Variants in FLT4 observed in about 807,000 individuals in gnomAD.
FLT4 encodes vascular endothelial growth factor receptor 3.
FLT4 carries 30 observed loss-of-function variants against 163.2 expected under a neutral mutation model. The observed-to-expected ratio is 0.18, with a 90% CI of 0.14 to 0.25. The LOEUF (loss-of-function observed/expected upper bound fraction) is 0.25. FLT4 is among the 10% of genes least tolerant of loss of function. The pLI is 1.00. For missense variants in FLT4, 1,510 were observed against 1,863.8 expected (o/e 0.81, Z 3.50); for synonymous variants, 884 against 789.5 (o/e 1.12, Z -2.01).
chr5:180,607,982 AG>A (rs953328011), intron 29 of FLT4: 1 of 642,582 alleles, frequency 1.6e-6, no homozygotes, highest in African/African-American at 1.8e-5. Context: ...AGACCATGAA[AG>A]GGCGTCTCCC....
At chr5:180,637,683 C>T (rs887688317) in intron 1 of FLT4, among the ~76,000 whole-genome samples, 3 of 152,176 alleles carry the variant, frequency 2.0e-5, no homozygotes, top group African/African-American at 7.2e-5. Flanking sequence ...CAGGCATGCG[C>T]CATCACGCCC....
At chr5:180,613,193 TC>T in intron 24 of FLT4, 83 bp from the exon 25 acceptor site, 1 of 965,566 alleles carries the variant, frequency 1.0e-6, no homozygotes, top group Non-Finnish European at 1.6e-6. Context: ...TCCTGTCCCT[TC>T]CCCATCAAGT....
At chr5:180,614,257 C>T (rs1267928257) in intron 23 of FLT4, 78 bp from the exon 24 acceptor site, 6 of 915,938 alleles carry the variant, frequency 6.6e-6, no homozygotes, top group East Asian at 2.5e-5. Context: ...GATGGGGAGA[C>T]GGAGGGAAGC....
At position 180,623,540 on chromosome 5, in the gene FLT4, C is replaced by T. The variant is rs1763343077; in HGVS notation, c.1548+395G>A. On this transcript the variant is annotated intron_variant, in intron 11 of 29. Coordinates refer to ENST00000261937, the MANE Select transcript of FLT4 (RefSeq NM_182925.5). This position sits in a 1 kb window ranked among gnomAD's most constrained non-coding sequence, Gnocchi z 5.8. ...AGGAAGTGACTGGAGGAAGTAGGTG[C>T]CTTTGTTCAGTACCCCCTTCTCGGC... Among the ~76,000 whole-genome samples the T allele has an allele frequency of 6.6e-6, 1 of 150,860 alleles. No homozygotes were observed. The highest frequency in any genetic ancestry group is 2.1e-4 in the South Asian group (1 of 4,700).
chr5:180,611,323 C>A lies in FLT4; in HGVS notation c.3686+8G>T, dbSNP rs2127790965. 6.2e-7 allele frequency: 1 copy of A among 1,613,922 alleles called. No homozygotes were observed. The highest frequency in any genetic ancestry group is 8.5e-7 in the Non-Finnish European group (1 of 1,179,982). On this transcript the variant is annotated splice_region_variant and intron_variant, in intron 27 of 29. Transcript: ENST00000261937. The stretch of plus-strand genomic sequence containing the variant: ...CCACCCTACTCCTGGACCTGCAGGA[C>A]AGCTGACCTGGCGGCCAGGCTGTGG...
At chr5:180,624,207 G>T in intron 10 of FLT4, 146 bp from the exon 11 acceptor site, 1 of 755,158 alleles carries the variant, frequency 1.3e-6, no homozygotes, top group Non-Finnish European at 2.2e-6. Context: ...GGGTGAGGGA[G>T]ATGGGAAGGG....
At chr5:180,649,676 G>C (rs948186947), upstream of FLT4, 8 of 277,600 alleles carry the variant, frequency 2.9e-5, no homozygotes, top group African/African-American at 1.8e-4. Context: ...GATTCAGGCC[G>C]CTCCCCGCGC....
At chr5:180,648,168 G>C (rs1765571482) in intron 1 of FLT4, among the ~76,000 whole-genome samples, 1 of 152,222 alleles carries the variant, frequency 6.6e-6, no homozygotes. Flanking sequence ...GCACCTGTGG[G>C]AGCCTGGTCC....
At chr5:180,648,860 G>A (rs2127878037) in intron 1 of FLT4, among the ~76,000 whole-genome samples, 1 of 152,292 alleles carries the variant, frequency 6.6e-6, no homozygotes, top group Middle Eastern at 3.4e-3. Context: ...CCCCTTCTGC[G>A]GCGCTGACAG....
chr5:180,632,991 C>T (rs1055192593), intron 1 of FLT4, among the ~76,000 whole-genome samples: 1 of 152,038 alleles, frequency 6.6e-6, no homozygotes, highest in Non-Finnish European at 1.5e-5. Flanking sequence ...TCTTCTGCCC[C>T]CAGGCCCCTC....
chr5:180,632,369 C>T (rs1331754929), intron 1 of FLT4, among the ~76,000 whole-genome samples: 1 of 150,356 alleles, frequency 6.7e-6, no homozygotes, highest in Admixed American at 6.6e-5. Flanking sequence ...CTCAGCTTCT[C>T]GCACCCTCAC....
At chr5:180,643,226 C>T (rs1207338282) in intron 1 of FLT4, among the ~76,000 whole-genome samples, 1 of 152,244 alleles carries the variant, frequency 6.6e-6, no homozygotes, top group Non-Finnish European at 1.5e-5. Context: ...CCCCGCTCAT[C>T]CCCCACAGCC....
At chr5:180,606,085 G>A (rs540808972) in intron 29 of FLT4, among the ~76,000 whole-genome samples, 1 of 152,328 alleles carries the variant, frequency 6.6e-6, no homozygotes, top group African/African-American at 2.4e-5. Flanking sequence ...CCAGAGACCT[G>A]TGGCACCTTT....
Position 180,616,331 on chromosome 5 carries a change from G to A in FLT4, c.3219+36C>T, listed in dbSNP as rs756394792. On this transcript the variant is annotated intron_variant, in intron 23 of 29. Transcript: ENST00000261937. Reference sequence around the variant, plus strand: ...GTGGTCCCACCCCTTCACCTGTTCCGCCCCACGTTCCCTCTCCTCAATGGC... The same window carrying A: ...GTGGTCCCACCCCTTCACCTGTTCCACCCCACGTTCCCTCTCCTCAATGGC... 13 of 1,613,274 alleles carry A rather than the reference G, an allele frequency of 8.1e-6. No homozygotes were observed. In the East Asian group the frequency reaches 1.1e-4, roughly 14 times the overall value.
intron 22 of FLT4, among the ~76,000 whole-genome samples, 155 bp from the exon 23 acceptor site, chr5:180,616,644 C>T (rs145493041): frequency 6.6e-6 from 1 of 152,298 alleles, no homozygotes; most frequent in African/African-American, 2.4e-5. Flanking sequence ...ATCTCCAGGA[C>T]TCATCATGGA....
intron 1 of FLT4, among the ~76,000 whole-genome samples, chr5:180,647,546 G>A (rs760412505): frequency 1.1e-4 from 17 of 151,912 alleles, no homozygotes; most frequent in African/African-American, 4.1e-4. Flanking sequence ...TGCTCCCACC[G>A]GACCAGCTGC....
intron 26 of FLT4, 51 bp downstream of exon 26, chr5:180,612,455 C>A: frequency 7.2e-7 from 1 of 1,386,442 alleles, no homozygotes; most frequent in Non-Finnish European, 1.0e-6. Context: ...GGCCAGGGAC[C>A]CAGGGCAGGG....
Position 180,620,436 on chromosome 5 carries a change from A to G in FLT4, c.2407-128T>C. The G allele has an allele frequency of 7.4e-7, 1 of 1,346,868 alleles. No homozygotes were observed. Among genetic ancestry groups the G allele is most frequent in the Non-Finnish European group, 1.1e-6 (1 of 947,566 alleles). The allele number at this position is 1,346,868 out of a possible 1,614,324, so 83.4% of individuals were successfully genotyped here. On this transcript the variant is annotated intron_variant, in intron 16 of 29. Transcript: ENST00000261937. The surrounding 1 kb of genome is among the most constrained non-coding windows in gnomAD (Gnocchi z 4.4). ...GTTCTCAGTCAAGGAGGGGACAGAA[A>G]AAAAGACAGACAACCTCTGCGGGGT...
intron 10 of FLT4, 51 bp from the exon 11 acceptor site, chr5:180,624,112 G>A: frequency 6.2e-7 from 1 of 1,602,870 alleles, no homozygotes; most frequent in South Asian, 1.1e-5. Flanking sequence ...GGCAGGAAGG[G>A]CCCACATGGG....
Sources: allele counts gnomAD v4.1 joint callset (sites outside exome capture counted in the v4.1 genomes callset), GRCh38; gene constraint gnomAD v4.1.1; non-coding constraint Gnocchi (gnomAD v3.1); transcripts MANE v1.5; gene names NCBI Gene and HGNC (gene_info 2026-07-23, HGNC 2026-07-21).